Variants in RARS2 observed in about 807,000 individuals in gnomAD.
RARS2 encodes the protein arginyl-tRNA synthetase 2, mitochondrial, also known as probable arginine--tRNA ligase, mitochondrial.
In RARS2, 67 loss-of-function variants were observed where a neutral mutation model predicts 88.5. The ratio of observed to expected loss-of-function variants is 0.76; its 90% CI spans 0.62 to 0.93. RARS2 has a LOEUF of 0.93. RARS2 is among the 40% of genes least tolerant of loss of function. The pLI, the probability that RARS2 is intolerant of heterozygous loss-of-function variation, is 0.00. For synonymous variants in RARS2, 239 were observed against 230.3 expected (o/e 1.04, Z -0.34); for missense variants, 664 against 684.2 (o/e 0.97, Z 0.33).
At chr6:87,519,252 G>T (rs1376379912) in intron 14 of RARS2, 1 of 330,316 alleles carries the variant, frequency 3.0e-6, no homozygotes, top group East Asian at 7.5e-5. Context: ...GTTTTCCAAG[G>T]GTGAAGGTTA....
chr6:87,562,634 G>A (rs1333665568), intron 4 of RARS2, 68 bp downstream of exon 4: 1 of 1,210,698 alleles, frequency 8.3e-7, no homozygotes, highest in Admixed American at 1.7e-5. Context: ...TTAAAAACTG[G>A]AGGAAGACCA....
chr6:87,555,468 T>G lies in RARS2; in HGVS notation c.335A>C (p.Tyr112Ser). 6.2e-7 allele frequency: 1 copy of G among 1,613,984 alleles called. No individual in the cohort carries two copies. The highest frequency in any genetic ancestry group is 8.5e-7 in the Non-Finnish European group (1 of 1,179,900). ...LQQVIEDGSK[Y>S]GLKSELFSGL... ...AGAGAAAAGTTCACTTTTTAATCCA[T>G]ATTTTGAGCCATCTTCAATTACTTG... Residue 112 changes from tyrosine to serine, a missense_variant, in exon 5 of 20, where the codon TAT becomes TCT. Transcript: ENST00000369536.
intron 14 of RARS2, chr6:87,519,208 G>GTGTGTGTGTGTATATATA (rs1210109506): frequency 6.2e-4 from 161 of 257,690 alleles, no homozygotes; most frequent in African/African-American, 1.4e-3. Flanking sequence ...GTGTGTGTGT[G>GTGTGTGTGTGTATATATA]TATATATATA....
intron 4 of RARS2, 61 bp from the exon 5 acceptor site, chr6:87,555,566 T>A: frequency 7.7e-7 from 1 of 1,293,070 alleles, no homozygotes; most frequent in Non-Finnish European, 1.1e-6. Flanking sequence ...ATTACTCTGT[T>A]ACTGAGAATT....
intron 1 of RARS2, among the ~76,000 whole-genome samples, chr6:87,570,686 T>C (rs947639433): frequency 1.3e-5 from 2 of 152,076 alleles, no homozygotes; most frequent in South Asian, 4.1e-4. Context: ...TCCCAAAATG[T>C]TGACATTATA....
chr6:87,578,342 C>A (rs1772276227), intron 1 of RARS2, among the ~76,000 whole-genome samples: 1 of 152,004 alleles, frequency 6.6e-6, no homozygotes, highest in Admixed American at 6.6e-5. Context: ...CTTTTTTCTG[C>A]CTGTATATCT....
intron 17 of RARS2, among the ~76,000 whole-genome samples, chr6:87,517,877 T>TA (rs1772343819): frequency 6.6e-6 from 1 of 152,066 alleles, no homozygotes; most frequent in African/African-American, 2.4e-5. Context: ...AAACTAAAAC[T>TA]AAAAAAGGTT....
At chr6:87,586,871 T>C (rs1294585720) in intron 1 of RARS2, among the ~76,000 whole-genome samples, 1 of 148,602 alleles carries the variant, frequency 6.7e-6, no homozygotes, top group African/African-American at 2.5e-5. Flanking sequence ...ACTGAAAATC[T>C]GTGGGGTTGG....
Position 87,515,451 on chromosome 6 carries a change from C to T in RARS2, c.1587-431G>A, listed in dbSNP as rs561230316. ...AGGAGAATGGCGTGAACCCAGGAGG[C>T]AGAGCTTGCAGTGAGCCGAGATCAC... On this transcript the variant is annotated intron_variant, in intron 18 of 19. Transcript: ENST00000369536. Among the ~76,000 whole-genome samples the T allele has an allele frequency of 1.2e-3, 177 of 150,908 alleles. 2 individuals are homozygous for T. The highest frequency in any genetic ancestry group is 8.0e-4 in the Non-Finnish European group (54 of 67,792).
chr6:87,521,589 A>G, intron 11 of RARS2, 65 bp from the exon 12 acceptor site: 2 of 1,244,812 alleles, frequency 1.6e-6, no homozygotes, highest in Non-Finnish European at 2.4e-6. Context: ...GGTCTTACCT[A>G]TTTAATAGCA....
chr6:87,573,665 G>A (rs757132271), intron 1 of RARS2, among the ~76,000 whole-genome samples: 15 of 152,078 alleles, frequency 9.9e-5, no homozygotes, highest in East Asian at 1.9e-4. Context: ...TAAATTTTAC[G>A]TTATGTGTAT....
rs772889103 is a variant in RARS2, at chr6:87,589,963, C to T, written c.-6G>A. 15 of 1,614,262 alleles carry T rather than the reference C, an allele frequency of 9.3e-6. No homozygotes were observed. The highest frequency in any genetic ancestry group is 1.7e-5 in the Admixed American group (1 of 60,038). On this transcript the variant is annotated 5_prime_UTR_variant, in exon 1 of 20. In the 5' UTR this introduces an upstream ATG that the reference lacks. Coordinates refer to ENST00000369536, the MANE Select transcript of RARS2 (RefSeq NM_020320.5). ...CGGCGAAAGCCGCACGCCATGTCCACCTCTACGGAAGTGCGCCGCAGTCCG... is the reference window on the plus strand; with the variant it reads ...CGGCGAAAGCCGCACGCCATGTCCATCTCTACGGAAGTGCGCCGCAGTCCG...
At chr6:87,515,293 G>A (rs1215809314) in intron 18 of RARS2, among the ~76,000 whole-genome samples, 5 of 152,036 alleles carry the variant, frequency 3.3e-5, no homozygotes, top group East Asian at 3.9e-4. Context: ...AGGCCGAGGC[G>A]GGTGGATCAC....
intron 18 of RARS2, 35 bp from the exon 19 acceptor site, chr6:87,515,055 G>A: frequency 6.6e-7 from 1 of 1,526,224 alleles, no homozygotes; most frequent in South Asian, 1.1e-5. Context: ...GATAGTACCA[G>A]CAGTAATTTC....
intron 1 of RARS2, among the ~76,000 whole-genome samples, chr6:87,581,934 G>A (rs551041720): frequency 1.3e-5 from 2 of 152,218 alleles, no homozygotes; most frequent in African/African-American, 4.8e-5. Context: ...ACATGATCTC[G>A]TTCCTTTTTA....
At chr6:87,580,897 A>G (rs1773280938) in intron 1 of RARS2, among the ~76,000 whole-genome samples, 1 of 152,182 alleles carries the variant, frequency 6.6e-6, no homozygotes, top group Non-Finnish European at 1.5e-5. Context: ...AATGGCTAAT[A>G]TGTAGTGAGT....
chr6:87,567,957 G>A (rs1768429309), intron 2 of RARS2, among the ~76,000 whole-genome samples: 1 of 152,096 alleles, frequency 6.6e-6, no homozygotes, highest in Admixed American at 6.6e-5. Context: ...ATTTCTAGTA[G>A]AGACGGGGTT....
intron 8 of RARS2, among the ~76,000 whole-genome samples, chr6:87,541,536 T>C (rs1374353427): frequency 1.3e-5 from 2 of 151,676 alleles, no homozygotes; most frequent in African/African-American, 4.8e-5. Flanking sequence ...TTTTTAAACC[T>C]CTGGAGGCTG....
At chr6:87,556,580 A>G (rs185667057) in intron 4 of RARS2, among the ~76,000 whole-genome samples, 1 of 152,020 alleles carries the variant, frequency 6.6e-6, no homozygotes, top group Non-Finnish European at 1.5e-5. Context: ...AGGTCAGGAG[A>G]TTGAGACCAT....
Sources: gnomAD v4.1 joint callset for allele counts (sites outside exome capture counted in the v4.1 genomes callset) on GRCh38, gnomAD v4.1.1 for gene constraint, MANE v1.5 for transcripts, NCBI Gene and HGNC (gene_info 2026-07-23, HGNC 2026-07-21) for gene names.